Variants in HS3ST3A1 observed in about 807,000 individuals in gnomAD.
The protein encoded by HS3ST3A1 is heparan sulfate-glucosamine 3-sulfotransferase 3A1, also known as heparan sulfate glucosamine 3-O-sulfotransferase 3A1.
Under a neutral mutation model 25.7 loss-of-function variants are expected in HS3ST3A1, and 19 were observed. That is an observed-to-expected ratio of 0.74 (90% CI 0.52 to 1.08). HS3ST3A1 has a LOEUF of 1.08. HS3ST3A1 is among the 50% of genes least tolerant of loss of function. The pLI, the probability that HS3ST3A1 is intolerant of heterozygous loss-of-function variation, is 0.00. For missense variants in HS3ST3A1, 459 were observed against 594.3 expected (o/e 0.77, Z 2.37); for synonymous variants, 226 against 278.6 (o/e 0.81, Z 1.88).
intron 1 of HS3ST3A1, among the ~76,000 whole-genome samples, chr17:13,571,828 C>T (rs892390804): frequency 3.9e-5 from 6 of 152,152 alleles, no homozygotes; most frequent in Non-Finnish European, 5.9e-5. Flanking sequence ...GGCATGATCT[C>T]GGCTCACTGC....
chr17:13,494,772 CTGT>C lies in HS3ST3A1; in HGVS notation c.*1422_*1424del, dbSNP rs922789529. Among the ~76,000 whole-genome samples, 3 of 152,114 alleles carry C rather than the reference CTGT, an allele frequency of 2.0e-5. No individual in the cohort carries two copies. The highest frequency in any genetic ancestry group is 6.5e-5 in the Admixed American group (1 of 15,270). ...TACCCACTCAGAGAGGAAAGGAATA[CTGT>C]TAATAAACTATTGATTTATTTGAGT... is the stretch of plus-strand genomic sequence containing the variant. On this transcript the variant is annotated 3_prime_UTR_variant, in exon 2 of 2. Transcript: ENST00000284110.
intron 1 of HS3ST3A1, among the ~76,000 whole-genome samples, chr17:13,578,562 CA>C (rs536270780): frequency 0.021 from 1,800 of 85,798 alleles, 35 homozygotes; most frequent in African/African-American, 0.067. Context: ...GACTCCATCT[CA>C]AAAAAAAAAA....
At chr17:13,524,963 A>G (rs764575100) in intron 1 of HS3ST3A1, among the ~76,000 whole-genome samples, 1 of 152,198 alleles carries the variant, frequency 6.6e-6, no homozygotes, top group Non-Finnish European at 1.5e-5. Flanking sequence ...TATTAAAAAT[A>G]GATATTTTTG....
chr17:13,534,974 C>T (rs534773711), intron 1 of HS3ST3A1, among the ~76,000 whole-genome samples: 22 of 151,952 alleles, frequency 1.4e-4, no homozygotes, highest in African/African-American at 4.1e-4. Context: ...TGTGGTGAGC[C>T]GAGATTGTGC....
intron 1 of HS3ST3A1, among the ~76,000 whole-genome samples, chr17:13,537,153 C>T (rs1906795391): frequency 6.6e-6 from 1 of 152,210 alleles, no homozygotes; most frequent in Non-Finnish European, 1.5e-5. Flanking sequence ...GCATCAAACA[C>T]ATTGGAATCA....
chr17:13,550,229 T>A (rs1393384797), intron 1 of HS3ST3A1, among the ~76,000 whole-genome samples: 1 of 152,192 alleles, frequency 6.6e-6, no homozygotes, highest in Non-Finnish European at 1.5e-5. Flanking sequence ...AGTTTAAATT[T>A]TCTTTTCAGG....
At chr17:13,550,567 C>T (rs1907211003) in intron 1 of HS3ST3A1, among the ~76,000 whole-genome samples, 1 of 152,048 alleles carries the variant, frequency 6.6e-6, no homozygotes, top group South Asian at 2.1e-4. Flanking sequence ...ACCAAGAACG[C>T]CTGCATTGTC....
chr17:13,539,201 G>C (rs1333257789), intron 1 of HS3ST3A1, among the ~76,000 whole-genome samples: 1 of 152,230 alleles, frequency 6.6e-6, no homozygotes, highest in African/African-American at 2.4e-5. Flanking sequence ...AGGGCTCTAA[G>C]TGGCTAAGCC....
chr17:13,520,072 G>C (rs1009440741), intron 1 of HS3ST3A1, among the ~76,000 whole-genome samples: 1 of 152,130 alleles, frequency 6.6e-6, no homozygotes, highest in Non-Finnish European at 1.5e-5. Context: ...CCATTGAAAA[G>C]AAATAATGAA....
chr17:13,582,901 C>T (rs74635272), intron 1 of HS3ST3A1, among the ~76,000 whole-genome samples: 1,985 of 152,270 alleles, frequency 0.013, 23 homozygotes, highest in Middle Eastern at 0.027. Context: ...TGCACAGTTC[C>T]TGAGACTCAG....
chr17:13,505,566 G>T (rs17880140), intron 1 of HS3ST3A1, among the ~76,000 whole-genome samples: 44,599 of 151,678 alleles, frequency 0.29, 6,894 homozygotes, highest in Admixed American at 0.38. Context: ...AGACAAGGTG[G>T]GTGAGGACAA....
intron 1 of HS3ST3A1, among the ~76,000 whole-genome samples, chr17:13,585,220 G>C (rs1331758465): frequency 4.4e-5 from 2 of 45,916 alleles, no homozygotes; most frequent in Non-Finnish European, 7.3e-5. Context: ...TTTTTTTTGA[G>C]ACAGAGTCTT....
intron 1 of HS3ST3A1, among the ~76,000 whole-genome samples, chr17:13,504,324 C>CAA (rs1405007182): frequency 1.3e-5 from 2 of 151,976 alleles, no homozygotes; most frequent in African/African-American, 4.8e-5. Context: ...CTCAAACAAA[C>CAA]AAACAAAAAA....
rs1445523517 is a variant in HS3ST3A1, at chr17:13,600,794, G to A, written c.336C>T (p.Ala112=). Residue 112 remains alanine, a synonymous_variant, in exon 1 of 2, where the codon GCC becomes GCT. Coordinates refer to ENST00000284110, the MANE Select transcript of HS3ST3A1 (RefSeq NM_006042.3). The part of the protein sequence containing the change: ...PAPRDDGEEA[A]WEEESPGLSG... ...ACAGGCCAGGGGACTCTTCTTCCCA[G>A]GCCGCCTCCTCGCCGTCGTCGCGGG... 5.6e-6 allele frequency: 8 copies of A among 1,430,292 alleles called. No homozygotes were observed. The highest frequency in any genetic ancestry group is 6.3e-6 in the Non-Finnish European group (7 of 1,105,322). 88.6% of individuals were successfully genotyped at this position (1,430,292 alleles called of 1,614,324 possible).
At chr17:13,589,705 GTTTAC>G (rs1037952879) in intron 1 of HS3ST3A1, among the ~76,000 whole-genome samples, 1 of 152,158 alleles carries the variant, frequency 6.6e-6, no homozygotes, top group Non-Finnish European at 1.5e-5. Flanking sequence ...GCAAGTTTCT[GTTTAC>G]TTTGTTTAAA....
chr17:13,541,753 C>T (rs1906939018), intron 1 of HS3ST3A1, among the ~76,000 whole-genome samples: 1 of 152,100 alleles, frequency 6.6e-6, no homozygotes, highest in South Asian at 2.1e-4. Context: ...TGGCAGTTTC[C>T]ATAGCATTCG....
intron 1 of HS3ST3A1, among the ~76,000 whole-genome samples, chr17:13,582,816 A>G (rs1316549822): frequency 1.3e-5 from 2 of 152,172 alleles, no homozygotes; most frequent in Non-Finnish European, 2.9e-5. Flanking sequence ...CTTATTTTTT[A>G]GATAATGCTG....
intron 1 of HS3ST3A1, among the ~76,000 whole-genome samples, chr17:13,528,987 AG>A (rs1322075811): frequency 2.6e-5 from 4 of 152,258 alleles, no homozygotes; most frequent in African/African-American, 9.6e-5. Flanking sequence ...CAACATAAAC[AG>A]CTGTCACAAA....
intron 1 of HS3ST3A1, among the ~76,000 whole-genome samples, chr17:13,498,903 G>A (rs183298653): frequency 1.2e-3 from 186 of 151,302 alleles, no homozygotes; most frequent in African/African-American, 4.2e-3. Context: ...AGTTGAAGGG[G>A]AAGTTTTCCC....
Sources: allele counts gnomAD v4.1 joint callset (sites outside exome capture counted in the v4.1 genomes callset), GRCh38; gene constraint gnomAD v4.1.1; transcripts MANE v1.5; gene names NCBI Gene and HGNC (gene_info 2026-07-23, HGNC 2026-07-21).